DCLRE1C: variants seen among roughly 807,000 people sequenced by gnomAD.
The protein encoded by DCLRE1C is DNA cross-link repair 1C.
In DCLRE1C, 47 loss-of-function variants were observed where a neutral mutation model predicts 61.4. The ratio of observed to expected loss-of-function variants is 0.77; its 90% CI spans 0.61 to 0.98. The LOEUF (loss-of-function observed/expected upper bound fraction) is 0.98, where lower values mean the gene tolerates loss of function less well. Among genes scored for constraint, DCLRE1C ranks in the 50% least tolerant of loss-of-function variants. The pLI, the probability that DCLRE1C is intolerant of heterozygous loss-of-function variation, is 0.00. For missense variants in DCLRE1C, 858 were observed against 816.0 expected (o/e 1.05, Z -0.63); for synonymous variants, 337 against 287.6 (o/e 1.17, Z -1.74).
exon 14 of DCLRE1C, chr10:14,898,744 A>G (rs17156048): frequency 0.051 from 7,823 of 153,428 alleles, 233 homozygotes; most frequent in East Asian, 0.093. Flanking sequence ...GTAGATGACG[A>G]TCTTAGACTT....
Position 14,936,992 on chromosome 10 carries a change from G to A in DCLRE1C, c.307-399C>T, listed in dbSNP as rs180737323. Among the ~76,000 whole-genome samples, 9 of 152,294 alleles carry A rather than the reference G, an allele frequency of 5.9e-5. No individual in the cohort carries two copies. The East Asian group carries it at 9.6e-4, about 16-fold the overall frequency. On this transcript the variant is annotated intron_variant, in intron 4 of 13. Coordinates refer to ENST00000378278, the MANE Select transcript of DCLRE1C (RefSeq NM_001033855.3). ...ATTTGGCCATAAAAAGAACCGACAC[G>A]TGCTGCAACATGGATGATCCTTGAA... is the stretch of plus-strand genomic sequence containing the variant.
At chr10:14,924,469 G>C (rs996658460) in intron 11 of DCLRE1C, among the ~76,000 whole-genome samples, 1 of 152,160 alleles carries the variant, frequency 6.6e-6, no homozygotes, top group Non-Finnish European at 1.5e-5. Flanking sequence ...GTTACCTAAT[G>C]TCTCTAATTT....
At position 14,917,622 on chromosome 10, in the gene DCLRE1C, G is replaced by A. The variant is rs563783347; in HGVS notation, c.1156+2116C>T. On this transcript the variant is annotated intron_variant, in intron 13 of 13. Transcript: ENST00000378278. ...GCAGATTGCTTGAGCTCAGGAGTCC[G>A]AGACCAGCTTGGGCAACATGGTGAA... Among the ~76,000 whole-genome samples, 7 of 152,244 alleles carry A rather than the reference G, an allele frequency of 4.6e-5. No homozygotes were observed. In the South Asian group the frequency reaches 1.2e-3, roughly 27 times the overall value.
intron 2 of DCLRE1C, among the ~76,000 whole-genome samples, chr10:14,945,806 G>A (rs887139256): frequency 5.3e-5 from 8 of 150,608 alleles, no homozygotes; most frequent in East Asian, 2.0e-4. Context: ...TTACAAGCAC[G>A]CGCCATGATG....
intron 11 of DCLRE1C, among the ~76,000 whole-genome samples, chr10:14,926,546 C>T (rs188937739): frequency 4.0e-5 from 6 of 151,068 alleles, no homozygotes; most frequent in Admixed American, 6.6e-5. Context: ...CCCAGCTATT[C>T]GGGAGGCTGA....
At chr10:14,920,740 G>C (rs970371222) in intron 12 of DCLRE1C, among the ~76,000 whole-genome samples, 29 of 152,326 alleles carry the variant, frequency 1.9e-4, no homozygotes, top group African/African-American at 6.3e-4. Flanking sequence ...CCAGCACTTT[G>C]GGAGGCCAAG....
chr10:14,949,154 A>G (rs138181346), intron 1 of DCLRE1C, 67 bp from the exon 2 acceptor site: 1 of 1,118,362 alleles, frequency 8.9e-7, no homozygotes, highest in African/African-American at 1.5e-5. Flanking sequence ...CAAGGGAAAC[A>G]GTCGTCTTCT....
Position 14,934,280 on chromosome 10 carries a change from G to A in DCLRE1C, c.678+100C>T. 5 of 1,519,630 alleles carry A rather than the reference G, an allele frequency of 3.3e-6. No homozygotes were observed. In the South Asian group the frequency reaches 3.6e-5, roughly 11 times the overall value. 94.1% of individuals were successfully genotyped at this position (1,519,630 alleles called of 1,614,324 possible). ...GAGGTGGAGGCTGCAGTGAGCCGAG[G>A]TCGCGTCACTACACTCCAGCCTGGG... On this transcript the variant is annotated intron_variant, in intron 8 of 13. Coordinates refer to ENST00000378278, the MANE Select transcript of DCLRE1C (RefSeq NM_001033855.3).
rs1156988463 is a variant in DCLRE1C at position 14,909,055 on chromosome 10, G to A, written c.1432C>T (p.His478Tyr). 1 of 1,614,022 alleles carries A rather than the reference G, an allele frequency of 6.2e-7. No homozygotes were observed. The highest frequency in any genetic ancestry group is 1.3e-5 in the African/African-American group (1 of 74,920). ...SLQGDLGSVL[H>Y]LQKADGDVPQ... Reference sequence around the variant, plus strand: ...ACATCCCCATCAGCCTTTTGCAGGTGAAGTACAGAGCCCAGATCTCCTTGC... The same window carrying A: ...ACATCCCCATCAGCCTTTTGCAGGTAAAGTACAGAGCCCAGATCTCCTTGC... The change falls in exon 14 of 14, where the codon CAC (histidine) becomes TAC (tyrosine). Residue 478 changes from histidine (H) to tyrosine (Y), a missense_variant. Transcript: ENST00000378278.
intron 13 of DCLRE1C, among the ~76,000 whole-genome samples, chr10:14,916,267 C>A (rs1266836518): frequency 6.6e-6 from 1 of 152,140 alleles, no homozygotes; most frequent in Non-Finnish European, 1.5e-5. Context: ...GAAAAACATC[C>A]TGGCTGAAAA....
chr10:14,954,208 T>G (rs2131242446), upstream of DCLRE1C: 1 of 815,446 alleles, frequency 1.2e-6, no homozygotes, highest in Non-Finnish European at 2.0e-6. Context: ...GCCCGCTGCT[T>G]GGGTTTAAAT....
rs546244753 is a variant in DCLRE1C, at chr10:14,907,211, G to A, written c.*1197C>T. ...ATTGTCCGCTTCTAATTTGGCCACC[G>A]TATTCACATCAAGGTTAAGTGACTT... On this transcript the variant is annotated 3_prime_UTR_variant, in exon 14 of 14. Coordinates refer to ENST00000378278, the MANE Select transcript of DCLRE1C (RefSeq NM_001033855.3). Among the ~76,000 whole-genome samples, 5 of 151,408 alleles carry A rather than the reference G, an allele frequency of 3.3e-5. No individual in the cohort carries two copies. The highest frequency in any genetic ancestry group is 7.3e-5 in the African/African-American group (3 of 41,198).
At chr10:14,947,872 G>A (rs558602390) in intron 2 of DCLRE1C, among the ~76,000 whole-genome samples, 86 of 152,000 alleles carry the variant, frequency 5.7e-4, no homozygotes, top group Non-Finnish European at 9.9e-4. Flanking sequence ...CCAGCCTGGC[G>A]AACATGGTAA....
rs116226653 is a variant in DCLRE1C, at chr10:14,897,695, T to C, written c.*1469A>G. The C allele has an allele frequency of 5.2e-3, 2,423 of 465,034 alleles. 51 individuals carry two copies. Among genetic ancestry groups the C allele is most frequent in the African/African-American group, 0.042 (2,093 of 49,878 alleles). The allele number at this position is 465,034 out of a possible 1,614,324, so 28.8% of individuals were successfully genotyped here. A position where few individuals can be genotyped will look rare whatever the true frequency, so the allele number is the denominator to read the frequency against. On this transcript the variant is annotated 3_prime_UTR_variant, in exon 14 of 14. Transcript: ENST00000378289. ...ACTGGCATATTTAGAAATAAAAAAC[T>C]TTTATATGAATAAAAAATATACGTT...
chr10:14,922,930 G>A, intron 12 of DCLRE1C, 51 bp downstream of exon 12: 1 of 1,317,496 alleles, frequency 7.6e-7, no homozygotes, highest in South Asian at 1.2e-5. Context: ...TTGTGTCCTA[G>A]CCAAGAGCCA....
chr10:14,930,235 G>A (rs904106060), intron 9 of DCLRE1C, among the ~76,000 whole-genome samples: 16 of 142,746 alleles, frequency 1.1e-4, no homozygotes, highest in Middle Eastern at 4.0e-3. Context: ...CCTCAGCTTC[G>A]TAAGTATCTG....
At chr10:14,944,993 T>C in intron 3 of DCLRE1C, 112 bp downstream of exon 3, 1 of 768,126 alleles carries the variant, frequency 1.3e-6, no homozygotes, top group South Asian at 1.6e-5. Flanking sequence ...AATATTCTAA[T>C]TAATGTGGAT....
chr10:14,934,859 G>C (rs1372223708), intron 6 of DCLRE1C, 84 bp from the exon 7 acceptor site: 1 of 964,416 alleles, frequency 1.0e-6, no homozygotes, highest in African/African-American at 1.6e-5. Flanking sequence ...ATGGAGTTTC[G>C]CTCTGTTGCC....
In DCLRE1C at chr10:14,908,697, CA is replaced by C. The variant is rs759377639; in HGVS notation, c.1789del (p.Cys597AlafsTer9). On this transcript the variant is annotated frameshift_variant, in exon 14 of 14. Transcript: ENST00000378278. LOFTEE classifies it low-confidence loss of function (END_TRUNC). ...PASLMEQNVI[C>X]PKDTYSDLKS... is the part of the protein sequence containing the mutation. Reference sequence around the variant, plus strand: ...CAAATCAGAGTAAGTATCCTTTGGGCAAATTACATTTTGTTCCATGAGAGAG... The same window carrying C: ...CAAATCAGAGTAAGTATCCTTTGGGCAATTACATTTTGTTCCATGAGAGAG... 6 of 1,614,174 alleles carry C rather than the reference CA, an allele frequency of 3.7e-6. No individual in the cohort carries two copies. The highest frequency in any genetic ancestry group is 5.1e-6 in the Non-Finnish European group (6 of 1,180,042).
Sources: gnomAD v4.1 joint callset for allele counts (sites outside exome capture counted in the v4.1 genomes callset) on GRCh38, gnomAD v4.1.1 for gene constraint, MANE v1.5 for transcripts, NCBI Gene and HGNC (gene_info 2026-07-23, HGNC 2026-07-21) for gene names.